GPC5: variants seen among roughly 807,000 people sequenced by gnomAD.
The protein encoded by GPC5 is glypican-5.
In GPC5, 47 loss-of-function variants were observed where a neutral mutation model predicts 53.9. The observed-to-expected ratio is 0.87, with a 90% CI of 0.69 to 1.11. The LOEUF (loss-of-function observed/expected upper bound fraction) is 1.11, where lower values mean the gene tolerates loss of function less well. Ranked by LOEUF, GPC5 falls within the 50% of genes most tolerant of loss-of-function variation. GPC5 has a pLI of 0.00. For missense variants in GPC5, 748 were observed against 713.1 expected (o/e 1.05, Z -0.56); for synonymous variants, 286 against 263.3 (o/e 1.09, Z -0.84).
chr13:92,127,145 C>A (rs2041704845), intron 6 of GPC5, among the ~76,000 whole-genome samples: 1 of 151,744 alleles, frequency 6.6e-6, no homozygotes, highest in Non-Finnish European at 1.5e-5. Context: ...TTTGAGGAAA[C>A]AGCGAAAAAC....
intron 5 of GPC5, among the ~76,000 whole-genome samples, chr13:91,836,614 A>C (rs1422850992): frequency 6.6e-6 from 1 of 152,002 alleles, no homozygotes; most frequent in African/African-American, 2.4e-5. Flanking sequence ...ATGTGAATTC[A>C]ATCTTAAGGT....
chr13:92,416,654 G>A (rs7328568), intron 7 of GPC5, among the ~76,000 whole-genome samples: 2,459 of 152,158 alleles, frequency 0.016, 64 homozygotes, highest in African/African-American at 0.056. Flanking sequence ...TTGTAATTTA[G>A]GATTAGGCAT....
intron 7 of GPC5, among the ~76,000 whole-genome samples, chr13:92,585,741 G>A (rs1883517360): frequency 6.6e-6 from 1 of 152,166 alleles, no homozygotes; most frequent in Non-Finnish European, 1.5e-5. Flanking sequence ...GGATGTGGTG[G>A]CAGGTAATTG....
chr13:91,753,533 C>T (rs2140117435), intron 4 of GPC5, among the ~76,000 whole-genome samples: 1 of 152,254 alleles, frequency 6.6e-6, no homozygotes, highest in African/African-American at 2.4e-5. Context: ...AGGTTATAGC[C>T]ACCTAAGTGA....
intron 7 of GPC5, among the ~76,000 whole-genome samples, chr13:92,462,489 A>G (rs1878528701): frequency 6.6e-6 from 1 of 152,192 alleles, no homozygotes; most frequent in Admixed American, 6.6e-5. Flanking sequence ...TGGCAGAAGC[A>G]GGGGTTTTTC....
intron 7 of GPC5, among the ~76,000 whole-genome samples, chr13:92,598,183 G>T (rs1023370860): frequency 2.0e-5 from 3 of 152,124 alleles, no homozygotes; most frequent in Non-Finnish European, 1.5e-5. Flanking sequence ...CAAAAGTAAA[G>T]ATTCAAACTG....
chr13:91,673,001 G>T (rs1439999840), intron 2 of GPC5, among the ~76,000 whole-genome samples: 4 of 151,944 alleles, frequency 2.6e-5, no homozygotes, highest in Non-Finnish European at 5.9e-5. Flanking sequence ...CAAAGTGCAT[G>T]TTCTCATTCG....
At chr13:92,579,257 CCCTCCCT>C (rs1883289075) in intron 7 of GPC5, among the ~76,000 whole-genome samples, 13 of 32,146 alleles carry the variant, frequency 4.0e-4, no homozygotes, top group African/African-American at 1.2e-3. Context: ...CTCCCTCCCT[CCCTCCCT>C]CCCTCCCTCC....
At chr13:92,004,491 A>ATATATATATATATATATAT (rs1555303852) in intron 6 of GPC5, among the ~76,000 whole-genome samples, 6 of 69,766 alleles carry the variant, frequency 8.6e-5, no homozygotes, top group Admixed American at 1.6e-4. Flanking sequence ...TATATATATA[A>ATATATATATATATATATAT]TTACACTATA....
chr13:91,988,540 G>GATC (rs2040429051), intron 6 of GPC5, among the ~76,000 whole-genome samples: 1 of 152,188 alleles, frequency 6.6e-6, no homozygotes. Flanking sequence ...CAATCTGGAA[G>GATC]ATCAGCGCTG....
chr13:91,513,895 A>G (rs1039254057), intron 2 of GPC5, among the ~76,000 whole-genome samples: 1 of 152,176 alleles, frequency 6.6e-6, no homozygotes, highest in Non-Finnish European at 1.5e-5. Context: ...TATTGTATGA[A>G]TGGAATCATG....
intron 6 of GPC5, among the ~76,000 whole-genome samples, chr13:92,133,273 T>G (rs1370131005): frequency 6.6e-6 from 1 of 152,140 alleles, no homozygotes; most frequent in Non-Finnish European, 1.5e-5. Flanking sequence ...ATTTTAAAGG[T>G]GAGAATCAGA....
intron 2 of GPC5, among the ~76,000 whole-genome samples, chr13:91,680,726 A>G (rs1049081266): frequency 2.6e-5 from 4 of 152,216 alleles, no homozygotes; most frequent in South Asian, 2.1e-4. Flanking sequence ...TGTCAACTGC[A>G]TCTGTGTGAG....
intron 7 of GPC5, among the ~76,000 whole-genome samples, chr13:92,637,233 G>A (rs1402024582): frequency 6.6e-6 from 1 of 152,148 alleles, no homozygotes; most frequent in Non-Finnish European, 1.5e-5. Flanking sequence ...GCAAAATTTA[G>A]TTCTCCATGT....
chr13:92,494,918 T>C (rs1463360511), intron 7 of GPC5, among the ~76,000 whole-genome samples: 3 of 152,192 alleles, frequency 2.0e-5, no homozygotes, highest in Non-Finnish European at 4.4e-5. Context: ...ATTATTCTTG[T>C]ATTATACAGT....
intron 2 of GPC5, among the ~76,000 whole-genome samples, chr13:91,479,716 C>A (rs1883200112): frequency 1.3e-5 from 2 of 152,110 alleles, no homozygotes; most frequent in South Asian, 4.1e-4. Flanking sequence ...ATAACAAAGA[C>A]ATTGAATTAA....
chr13:92,038,398 C>T (rs994825503), intron 6 of GPC5, among the ~76,000 whole-genome samples: 1 of 149,380 alleles, frequency 6.7e-6, no homozygotes, highest in African/African-American at 2.5e-5. Flanking sequence ...ATAGATAGAT[C>T]GATCCCTGTT....
chr13:91,849,357 G>A (rs898164030), intron 5 of GPC5, among the ~76,000 whole-genome samples: 4 of 152,220 alleles, frequency 2.6e-5, no homozygotes, highest in Non-Finnish European at 4.4e-5. Flanking sequence ...CCCTCACCAG[G>A]CTGCCTTGGA....
At position 92,281,416 on chromosome 13, in the gene GPC5, G is replaced by A. The variant is rs148363882; in HGVS notation, c.1561+136427G>A. ...AGAGAGTAGTGGTTCTCCCAGCACA[G>A]AGTTTGAGATCTGAGAACAGACAGA... is the stretch of plus-strand genomic sequence containing the variant. On this transcript the variant is annotated intron_variant, in intron 7 of 7. Coordinates refer to ENST00000377067, the MANE Select transcript of GPC5 (RefSeq NM_004466.6). 5.8e-3 allele frequency among the ~76,000 whole-genome samples: 885 copies of A among 152,314 alleles called. 9 individuals carry two copies. The highest frequency in any genetic ancestry group is 0.02 in the African/African-American group (830 of 41,558).
Sources: allele counts gnomAD v4.1 joint callset (sites outside exome capture counted in the v4.1 genomes callset), GRCh38; gene constraint gnomAD v4.1.1; transcripts MANE v1.5; gene names NCBI Gene and HGNC (gene_info 2026-07-23, HGNC 2026-07-21).